Variants in WASL observed in about 807,000 individuals in gnomAD.
WASL encodes actin nucleation-promoting factor WASL.
Under a neutral mutation model 55.5 loss-of-function variants are expected in WASL, and 20 were observed. The ratio of observed to expected loss-of-function variants is 0.36; its 90% confidence interval spans 0.25 to 0.52. The LOEUF (loss-of-function observed/expected upper bound fraction) is 0.52, where lower values mean the gene tolerates loss of function less well. WASL is among the 20% of genes least tolerant of loss of function. The pLI, the probability that WASL is intolerant of heterozygous loss-of-function variation, is 0.92. For missense variants in WASL, 504 were observed against 622.5 expected, an observed-to-expected ratio of 0.81 and a Z score of 2.03; for synonymous variants, 249 against 217.6, an observed-to-expected ratio of 1.14 and a Z score of -1.27.
chr7:123,686,579 A>T (rs1285887480), intron 10 of WASL, among the ~76,000 whole-genome samples: 1 of 151,768 alleles, frequency 6.6e-6, no homozygotes, highest in Non-Finnish European at 1.5e-5. Context: ...ACATACTATT[A>T]AAAAAAAACT....
chr7:123,738,067 T>C (rs1391970150), intron 1 of WASL, among the ~76,000 whole-genome samples: 2 of 152,128 alleles, frequency 1.3e-5, no homozygotes, highest in East Asian at 1.9e-4. Context: ...TCAACTGATA[T>C]GAAAAGATAT....
At chr7:123,688,344 T>C (rs1803331399) in intron 10 of WASL, among the ~76,000 whole-genome samples, 1 of 151,736 alleles carries the variant, frequency 6.6e-6, no homozygotes, top group Non-Finnish European at 1.5e-5. Context: ...AATGGCCCGA[T>C]TTATTATTAT....
rs1429039784 is a variant in WASL at position 123,683,974 on chromosome 7, T to C, written c.*545A>G. 1 of 152,126 alleles carries C rather than the reference T, an allele frequency of 6.6e-6. No homozygotes were observed. Among genetic ancestry groups the C allele is most frequent in the South Asian group, 2.1e-4 (1 of 4,824 alleles). The allele number at this position is 152,126 out of a possible 1,614,324, so 9.4% of individuals were successfully genotyped here. On this transcript the variant is annotated 3_prime_UTR_variant, in exon 11 of 11. Transcript: ENST00000223023. Reference sequence around the variant, plus strand: ...TGTAGTGATTTTATGTAGAGCATATTGCTAAAATTTGAGAAACTACATCGG... The same window carrying C: ...TGTAGTGATTTTATGTAGAGCATATCGCTAAAATTTGAGAAACTACATCGG...
chr7:123,723,091 A>G (rs528722421), intron 1 of WASL, among the ~76,000 whole-genome samples: 19 of 152,336 alleles, frequency 1.2e-4, no homozygotes, highest in Admixed American at 3.3e-4. Context: ...TTTAGTTAAT[A>G]CATGTAAAGT....
chr7:123,697,098 A>AT (rs1803505475), intron 5 of WASL, among the ~76,000 whole-genome samples: 1 of 152,038 alleles, frequency 6.6e-6, no homozygotes, highest in East Asian at 1.9e-4. Context: ...AAAGTGAAAC[A>AT]TATCTTGTAA....
intron 2 of WASL, 107 bp downstream of exon 2, chr7:123,708,982 T>C (rs577568925): frequency 9.5e-7 from 1 of 1,055,336 alleles, no homozygotes; most frequent in Non-Finnish European, 1.3e-6. Flanking sequence ...TATTAGTTTA[T>C]GTATAAATTT....
At chr7:123,720,284 A>C (rs1007565589) in intron 1 of WASL, 4 of 427,684 alleles carry the variant, frequency 9.4e-6, no homozygotes, top group Non-Finnish European at 1.8e-5. Flanking sequence ...TCATCAAGAA[A>C]AATACACACT....
chr7:123,702,868 T>C (rs1803614190), intron 5 of WASL, among the ~76,000 whole-genome samples: 3 of 152,182 alleles, frequency 2.0e-5, no homozygotes, highest in Non-Finnish European at 4.4e-5. Flanking sequence ...ATACATGTAT[T>C]TACAACCTTA....
At chr7:123,689,196 A>G (rs1274619320) in intron 9 of WASL, 46 bp from the exon 10 acceptor site, 1 of 1,510,984 alleles carries the variant, frequency 6.6e-7, no homozygotes, top group Non-Finnish European at 9.2e-7. Context: ...TCTTTAGCCA[A>G]GAATCTTTGT....
intron 1 of WASL, among the ~76,000 whole-genome samples, chr7:123,748,294 G>T (rs985378128): frequency 6.6e-6 from 1 of 152,148 alleles, no homozygotes; most frequent in Non-Finnish European, 1.5e-5. Context: ...AGCGGCTCTT[G>T]CAAGAAAATC....
At chr7:123,716,145 G>C (rs1803836315) in intron 1 of WASL, among the ~76,000 whole-genome samples, 1 of 152,090 alleles carries the variant, frequency 6.6e-6, no homozygotes, top group African/African-American at 2.4e-5. Flanking sequence ...ATTTGGGTCT[G>C]GATTTTCAGG....
Position 123,733,921 on chromosome 7 carries a change from A to G in WASL, c.117+14697T>C, listed in dbSNP as rs1584872799. ...GCTAGACATCCACGTGCCAAAAAAA[A>G]AAAAAAAAAAAAATCAAATCCAGGC... On this transcript the variant is annotated intron_variant, in intron 1 of 10. Coordinates refer to ENST00000223023, the MANE Select transcript of WASL (RefSeq NM_003941.4). Among the ~76,000 whole-genome samples, 6 of 151,840 alleles carry G rather than the reference A, an allele frequency of 4.0e-5. No individual in the cohort carries two copies. The East Asian group carries it at 1.2e-3, about 29-fold the overall frequency.
Position 123,706,773 on chromosome 7 carries a change from A to T in WASL, c.306T>A (p.Ser102Arg). The T allele has an allele frequency of 6.3e-7, 1 of 1,580,252 alleles. No individual in the cohort carries two copies. The highest frequency in any genetic ancestry group is 1.9e-5 in the Admixed American group (1 of 51,818). ...QELYNNFVYNSPRGYFHTFAG... is the reference protein window; with the variant it reads ...QELYNNFVYNRPRGYFHTFAG... Reference sequence around the variant, plus strand: ...CAAAGGTATGAAAATATCCTCTAGGACTATTATATACAAAGTTATTGTATA... The same window carrying T: ...CAAAGGTATGAAAATATCCTCTAGGTCTATTATATACAAAGTTATTGTATA... Residue 102 changes from serine to arginine, a missense_variant, in exon 3 of 11, where the codon AGT becomes AGA. Physicochemically the swap from Ser to Arg is moderately radical, Grantham distance 110 (BLOSUM62 -1). This residue lies in a region of WASL where 230 missense variants were observed against 271.9 expected (regional missense o/e 0.85). Transcript: ENST00000223023.
intron 1 of WASL, among the ~76,000 whole-genome samples, chr7:123,718,371 G>T (rs1036038606): frequency 6.6e-6 from 1 of 152,076 alleles, no homozygotes; most frequent in Non-Finnish European, 1.5e-5. Flanking sequence ...CTATCTAAGC[G>T]AATATATTCA....
chr7:123,734,957 G>T (rs1472513676), intron 1 of WASL, among the ~76,000 whole-genome samples: 2 of 151,980 alleles, frequency 1.3e-5, no homozygotes, highest in East Asian at 3.9e-4. Flanking sequence ...ATGTAAAACT[G>T]CTCTAAAAAA....
At chr7:123,728,844 G>T (rs1328421263) in intron 1 of WASL, among the ~76,000 whole-genome samples, 1 of 152,074 alleles carries the variant, frequency 6.6e-6, no homozygotes, top group Non-Finnish European at 1.5e-5. Context: ...GCTGTTAGTC[G>T]TCTGGAGACT....
At chr7:123,695,730 T>C (rs1803479526) in intron 7 of WASL, 93 bp downstream of exon 7, 1 of 1,311,476 alleles carries the variant, frequency 7.6e-7, no homozygotes, top group South Asian at 1.3e-5. Context: ...AAACAGATAC[T>C]AGAAACCACA....
intron 8 of WASL, among the ~76,000 whole-genome samples, chr7:123,693,318 T>G (rs1803442781): frequency 6.6e-6 from 1 of 152,228 alleles, no homozygotes; most frequent in Admixed American, 6.5e-5. Context: ...TTCAGAATTA[T>G]AGTGTAGCAT....
chr7:123,716,141 G>A (rs1803836193), intron 1 of WASL, among the ~76,000 whole-genome samples: 1 of 152,216 alleles, frequency 6.6e-6, no homozygotes, highest in African/African-American at 2.4e-5. Flanking sequence ...TGAAATTTGG[G>A]TCTGGATTTT....
Sources: allele counts gnomAD v4.1 joint callset (sites outside exome capture counted in the v4.1 genomes callset), GRCh38; gene constraint gnomAD v4.1.1; regional missense constraint gnomAD v4.1.1; transcripts MANE v1.5; gene names NCBI Gene and HGNC (gene_info 2026-07-23, HGNC 2026-07-21).